The following CDH13 variants were observed in gnomAD, a reference collection of about 807,000 sequenced individuals.
The protein encoded by CDH13 is cadherin 13, also known as cadherin-13.
Under a neutral mutation model 63.8 loss-of-function variants are expected in CDH13, and 24 were observed. The ratio of observed to expected loss-of-function variants is 0.38; its 90% CI spans 0.27 to 0.53. The LOEUF is 0.53. Ranked by LOEUF, CDH13 falls within the 20% of genes least tolerant of loss-of-function variation. The pLI is 0.85. For missense variants in CDH13, 1,049 were observed against 903.1 expected (o/e 1.16, Z -2.07); for synonymous variants, 503 against 355.3 (o/e 1.42, Z -4.67).
intron 1 of CDH13, among the ~76,000 whole-genome samples, chr16:82,722,271 C>A (rs1009728893): frequency 1.3e-5 from 2 of 152,074 alleles, no homozygotes; most frequent in African/African-American, 4.8e-5. Flanking sequence ...AATACAGGGG[C>A]TTGAATCTTG....
chr16:82,915,688 G>T (rs1041482529), intron 2 of CDH13, among the ~76,000 whole-genome samples: 1 of 151,892 alleles, frequency 6.6e-6, no homozygotes, highest in East Asian at 1.9e-4. Flanking sequence ...TGTGAAAGGG[G>T]TCCTGTGAGT....
At chr16:83,527,251 C>A (rs2074985140) in intron 7 of CDH13, among the ~76,000 whole-genome samples, 1 of 152,092 alleles carries the variant, frequency 6.6e-6, no homozygotes, top group South Asian at 2.1e-4. Flanking sequence ...AGATGGAGAC[C>A]ATCCTAGCCA....
intron 7 of CDH13, among the ~76,000 whole-genome samples, chr16:83,602,124 AAAAAAAAAAAAAAAAAAAAC>A: frequency 5.0e-5 from 5 of 100,820 alleles, no homozygotes; most frequent in African/African-American, 1.4e-4. Context: ...AAAAAAAAAA[AAAAAAAAAAAAAAAAAAAAC>A]CCAAAGGACA....
At chr16:83,420,821 G>T (rs569379251) in intron 6 of CDH13, among the ~76,000 whole-genome samples, 71 of 152,288 alleles carry the variant, frequency 4.7e-4, no homozygotes, top group African/African-American at 1.7e-3. Flanking sequence ...AGAGCTCCTG[G>T]CAAGTCACTG....
intron 2 of CDH13, among the ~76,000 whole-genome samples, chr16:82,994,498 G>C (rs933258330): frequency 6.6e-6 from 1 of 152,100 alleles, no homozygotes; most frequent in South Asian, 2.1e-4. Flanking sequence ...GCCTTTCATC[G>C]TAATCTCCCA....
chr16:83,781,341 C>G (rs1460047677), intron 12 of CDH13, among the ~76,000 whole-genome samples: 1 of 152,214 alleles, frequency 6.6e-6, no homozygotes, highest in Non-Finnish European at 1.5e-5. Flanking sequence ...AAAAGAAAGA[C>G]ATTAGACACT....
chr16:82,644,855 T>C lies in CDH13; in HGVS notation c.45+17718T>C, dbSNP rs1329327106. On this transcript the variant is annotated intron_variant, in intron 1 of 13. Transcript: ENST00000567109. The surrounding 1 kb of genome is among the most constrained non-coding windows in gnomAD (Gnocchi z 5.7). ...TTCCAGCATAGCGTTTTGCAAAATGTGTTCTGAAGAGATACTGGTTCCATG... is the reference window on the plus strand; with the variant it reads ...TTCCAGCATAGCGTTTTGCAAAATGCGTTCTGAAGAGATACTGGTTCCATG... 6.6e-6 allele frequency among the ~76,000 whole-genome samples: 1 copy of C among 152,188 alleles called. No homozygotes were observed. Among genetic ancestry groups the C allele is most frequent in the African/African-American group, 2.4e-5 (1 of 41,436 alleles).
chr16:83,191,935 C>T (rs562629471), intron 4 of CDH13, among the ~76,000 whole-genome samples: 3 of 152,084 alleles, frequency 2.0e-5, no homozygotes, highest in East Asian at 3.9e-4. Flanking sequence ...ATCCTTCAGT[C>T]CAATCAAGTT....
At position 83,646,692 on chromosome 16, in the gene CDH13, CAAAAAAAAAAAA is replaced by C. The variant is rs199756336; in HGVS notation, c.1102-24088_1102-24077del. Among the ~76,000 whole-genome samples the C allele has an allele frequency of 1.5e-3, 106 of 72,658 alleles. 2 individuals are homozygous for C. Among genetic ancestry groups the C allele is most frequent in the Middle Eastern group, 7.1e-3 (1 of 140 alleles). The allele number at this position is 72,658 out of a possible 152,430, so 47.7% of individuals were successfully genotyped here. The stretch of plus-strand genomic sequence containing the variant: ...GGGTGACAAGAGCAAGACTCCGTCT[CAAAAAAAAAAAA>C]AAAAAAAAACACACACACACACACA... On this transcript the variant is annotated intron_variant, in intron 8 of 13. Coordinates refer to ENST00000567109, the MANE Select transcript of CDH13 (RefSeq NM_001257.5).
chr16:82,999,234 A>G (rs1032005196), intron 2 of CDH13, among the ~76,000 whole-genome samples: 1 of 152,102 alleles, frequency 6.6e-6, no homozygotes. Flanking sequence ...TAATGTTACT[A>G]GCATTTAAGT....
intron 2 of CDH13, among the ~76,000 whole-genome samples, chr16:82,981,196 C>G (rs1026705522): frequency 2.3e-4 from 35 of 152,196 alleles, no homozygotes; most frequent in Non-Finnish European, 4.4e-4. Flanking sequence ...TAGTAATAAA[C>G]TTCCACTTTC....
intron 6 of CDH13, among the ~76,000 whole-genome samples, chr16:83,422,296 C>T (rs936364114): frequency 3.3e-5 from 5 of 152,120 alleles, no homozygotes; most frequent in East Asian, 1.9e-4. Flanking sequence ...CAAAGAATTA[C>T]ACAGTCATTC....
chr16:83,652,959 T>C (rs968027557), intron 8 of CDH13, among the ~76,000 whole-genome samples: 4 of 152,228 alleles, frequency 2.6e-5, no homozygotes. Flanking sequence ...GACGGAATGC[T>C]TTCAGCCACA....
rs200044159 is a variant in CDH13, at chr16:83,275,108, C to G, written c.636+57611C>G. ...GGTCACTCCTACTATATTCCCATTTCCTAGAACAGTGCCTGGTACACATTA... is the reference window on the plus strand; with the variant it reads ...GGTCACTCCTACTATATTCCCATTTGCTAGAACAGTGCCTGGTACACATTA... On this transcript the variant is annotated intron_variant, in intron 5 of 13. Coordinates refer to ENST00000567109, the MANE Select transcript of CDH13 (RefSeq NM_001257.5). 1.4e-4 allele frequency among the ~76,000 whole-genome samples: 21 copies of G among 152,260 alleles called. No homozygotes were observed. In the East Asian group the frequency reaches 3.9e-3, roughly 28 times the overall value.
rs1235779680 is a variant in CDH13 at position 83,798,646 on chromosome 16, C to G, written c.*3616C>G. ...CTTCCGACAACATCACAATGCCACT[C>G]TCAACCCAGGAGCAAAACCAGACAA... On this transcript the variant is annotated 3_prime_UTR_variant, in exon 14 of 14. Coordinates refer to ENST00000567109, the MANE Select transcript of CDH13 (RefSeq NM_001257.5). The G allele has an allele frequency of 6.6e-6, 1 of 152,192 alleles. No homozygotes were observed. The highest frequency in any genetic ancestry group is 2.4e-5 in the African/African-American group (1 of 41,450). The allele number at this position is 152,192 out of a possible 1,614,324, so 9.4% of individuals were successfully genotyped here.
At chr16:83,669,980 C>G (rs1914359761) in intron 8 of CDH13, among the ~76,000 whole-genome samples, 1 of 152,212 alleles carries the variant, frequency 6.6e-6, no homozygotes, top group Non-Finnish European at 1.5e-5. Flanking sequence ...AATTCTCTAT[C>G]TATGAGAAAG....
At chr16:83,389,107 G>T (rs564216671) in intron 6 of CDH13, among the ~76,000 whole-genome samples, 5 of 152,206 alleles carry the variant, frequency 3.3e-5, no homozygotes, top group Non-Finnish European at 7.4e-5. Context: ...AAAAAGACTT[G>T]GCTTGAAGAC....
chr16:83,088,290 C>A (rs1021123397), intron 3 of CDH13, among the ~76,000 whole-genome samples: 1 of 152,110 alleles, frequency 6.6e-6, no homozygotes, highest in South Asian at 2.1e-4. Context: ...TTCCCTGGTG[C>A]CTTATTAGGC....
chr16:83,312,679 A>G (rs2090026181), intron 5 of CDH13, among the ~76,000 whole-genome samples: 1 of 152,222 alleles, frequency 6.6e-6, no homozygotes, highest in Admixed American at 6.5e-5. Flanking sequence ...ATGTTAGAAG[A>G]GGGACAGGAA....
Sources: allele counts gnomAD v4.1 joint callset (sites outside exome capture counted in the v4.1 genomes callset), GRCh38; gene constraint gnomAD v4.1.1; non-coding constraint Gnocchi (gnomAD v3.1); transcripts MANE v1.5; gene names NCBI Gene and HGNC (gene_info 2026-07-23, HGNC 2026-07-21).